The following CIITA variants were observed in gnomAD, a reference collection of about 807,000 sequenced individuals.
CIITA encodes MHC class II transactivator.
CIITA carries 72 observed loss-of-function variants against 115.1 expected under a neutral mutation model. That is an observed-to-expected ratio of 0.63 (90% CI 0.52 to 0.76). The LOEUF is 0.76. CIITA is among the 30% of genes least tolerant of loss of function. The probability of loss-of-function intolerance (pLI) is 0.00; values close to 1 mark genes in which losing one functional copy is unlikely to be tolerated. For missense variants in CIITA, 1,617 were observed against 1,463.8 expected, an observed-to-expected ratio of 1.10 and a Z score of -1.71; for synonymous variants, 763 against 635.6, an observed-to-expected ratio of 1.20 and a Z score of -3.02.
rs983874799 is a variant in CIITA at position 10,905,690 on chromosome 16, A to C, written c.1007-809A>C. 8.6e-5 allele frequency among the ~76,000 whole-genome samples: 13 copies of C among 151,804 alleles called. No individual in the cohort carries two copies. In the South Asian group the frequency reaches 2.5e-3, roughly 29 times the overall value. On this transcript the variant is annotated intron_variant, in intron 10 of 19. Transcript: ENST00000324288. Reference sequence around the variant, plus strand: ...GGCAGGAGAATCGCCTAAACCCAGGAGGTGGAGGTTGCCGTGAGCTGAGAT... The same window carrying C: ...GGCAGGAGAATCGCCTAAACCCAGGCGGTGGAGGTTGCCGTGAGCTGAGAT...
chr16:10,872,458 A>G (rs916381421), upstream of CIITA, among the ~76,000 whole-genome samples: 1 of 152,172 alleles, frequency 6.6e-6, no homozygotes, highest in African/African-American at 2.4e-5. Flanking sequence ...CTACTTCTCA[A>G]TTTATCTATT....
At position 10,936,112 on chromosome 16, in the gene CIITA, T is replaced by C. The variant is rs1479491568; in HGVS notation, c.*12257T>C. ...CTCAAGCAATCCTCCTGCCTGAGCCTTCCGAGTAACTGGGACTATGGGCGT... is the reference window on the plus strand; with the variant it reads ...CTCAAGCAATCCTCCTGCCTGAGCCCTCCGAGTAACTGGGACTATGGGCGT... On this transcript the variant is annotated 3_prime_UTR_variant, in exon 20 of 20. Transcript: ENST00000324288. 6.6e-6 allele frequency: 1 copy of C among 152,090 alleles called. No individual in the cohort carries two copies. The highest frequency in any genetic ancestry group is 1.5e-5 in the Non-Finnish European group (1 of 68,040). The allele number at this position is 152,090 out of a possible 1,614,324, so 9.4% of individuals were successfully genotyped here. A position where few individuals can be genotyped will look rare whatever the true frequency, so the allele number is the denominator to read the frequency against.
chr16:10,868,839 G>A (rs950059650), intron 1 of CIITA, among the ~76,000 whole-genome samples: 4 of 152,180 alleles, frequency 2.6e-5, no homozygotes, highest in Non-Finnish European at 4.4e-5. Flanking sequence ...AACTGCACTC[G>A]GGGCCCAGTG....
In CIITA at chr16:10,935,682, C is replaced by T. The variant is rs965163648; in HGVS notation, c.*11827C>T. ...AAAGTTAACATCGCCAGAAAGGGGA[C>T]AGATGGCATGTGCCTCTCGATAAGA... On this transcript the variant is annotated 3_prime_UTR_variant, in exon 20 of 20. Coordinates refer to ENST00000324288, the MANE Select transcript of CIITA (RefSeq NM_000246.4). The T allele has an allele frequency of 2.0e-5, 3 of 152,200 alleles. No individual in the cohort carries two copies. Among genetic ancestry groups the T allele is most frequent in the African/African-American group, 4.8e-5 (2 of 41,442 alleles). The allele number at this position is 152,200 out of a possible 1,614,324, so 9.4% of individuals were successfully genotyped here.
chr16:10,922,557 C>G (rs530841319), intron 18 of CIITA, 67 bp downstream of exon 18: 2 of 1,526,352 alleles, frequency 1.3e-6, no homozygotes, highest in East Asian at 4.5e-5. Context: ...CAGTGTGACC[C>G]CGGAGCTCAA....
rs1349867100 is a variant in CIITA, at chr16:10,934,794, C to T, written c.*10939C>T. On this transcript the variant is annotated 3_prime_UTR_variant, in exon 20 of 20. Transcript: ENST00000324288. The surrounding 1 kb of genome is among the most constrained non-coding windows in gnomAD (Gnocchi z 4.2). ...CCTTACCCTTGAGGGAGTTCCCCGC[C>T]ACTCCAAGCTTGGGGCCTGGGATGG... 6.6e-6 allele frequency: 1 copy of T among 152,226 alleles called. No homozygotes were observed. Among genetic ancestry groups the T allele is most frequent in the Non-Finnish European group, 1.5e-5 (1 of 68,038 alleles). The allele number at this position is 152,226 out of a possible 1,614,324, so 9.4% of individuals were successfully genotyped here.
At chr16:10,919,823 G>A (rs7204720) in intron 16 of CIITA, among the ~76,000 whole-genome samples, 1,707 of 152,196 alleles carry the variant, frequency 0.011, 44 homozygotes, top group African/African-American at 0.04. Flanking sequence ...GACAGATGTC[G>A]TTCTTGCTTT....
At chr16:10,877,158 T>G (rs2035903302), upstream of CIITA, 2 of 681,882 alleles carry the variant, frequency 2.9e-6, no homozygotes, top group South Asian at 3.2e-5. Flanking sequence ...CTTGTTTCTT[T>G]GCATGTTGGC....
intron 1 of CIITA, among the ~76,000 whole-genome samples, chr16:10,885,367 C>T (rs1327348294): frequency 6.6e-6 from 1 of 152,138 alleles, no homozygotes; most frequent in Non-Finnish European, 1.5e-5. Flanking sequence ...CAGGCACATG[C>T]ACGCACGTCT....
intron 10 of CIITA, among the ~76,000 whole-genome samples, chr16:10,905,453 G>GAATA (rs2039072620): frequency 6.6e-6 from 1 of 152,156 alleles, no homozygotes. Flanking sequence ...AAAGCTTAGT[G>GAATA]AGTAAATGAA....
rs1439035605 is a variant in CIITA at position 10,930,068 on chromosome 16, A to T, written c.*6213A>T. On this transcript the variant is annotated 3_prime_UTR_variant, in exon 20 of 20. Transcript: ENST00000324288. ...TTGGCTCTTTCTCCCAGGATGCAGC[A>T]TCATCTCCATGGCCTGGCCCCCTGG... The T allele has an allele frequency of 1.3e-5, 2 of 152,342 alleles. No homozygotes were observed. The highest frequency in any genetic ancestry group is 2.9e-5 in the Non-Finnish European group (2 of 68,128). 9.4% of individuals were successfully genotyped at this position (152,342 alleles called of 1,614,324 possible).
At chr16:10,914,136 T>A (rs1432026472) in intron 13 of CIITA, among the ~76,000 whole-genome samples, 1 of 152,186 alleles carries the variant, frequency 6.6e-6, no homozygotes, top group Non-Finnish European at 1.5e-5. Flanking sequence ...TTTCGTCTGT[T>A]TGGCCCACAA....
upstream of CIITA, among the ~76,000 whole-genome samples, chr16:10,874,588 CG>C (rs1421890374): frequency 6.6e-6 from 1 of 152,226 alleles, no homozygotes; most frequent in Non-Finnish European, 1.5e-5. Flanking sequence ...CACAGTTTGA[CG>C]GATGTCACTT....
intron 3 of CIITA, among the ~76,000 whole-genome samples, chr16:10,896,224 A>G (rs553923698): frequency 1.3e-5 from 2 of 152,346 alleles, no homozygotes; most frequent in African/African-American, 4.8e-5. Context: ...AAGGAAATAC[A>G]TATTATTAGT....
In CIITA at chr16:10,933,724, A is replaced by G. The variant is rs1234095767; in HGVS notation, c.*9869A>G. ...TCAAGGCTAGGGGCCTTCTGAAAGC[A>G]GCAGCACTTTTCCTCCTTCAAAGAC... On this transcript the variant is annotated 3_prime_UTR_variant, in exon 20 of 20. Coordinates refer to ENST00000324288, the MANE Select transcript of CIITA (RefSeq NM_000246.4). The G allele has an allele frequency of 6.6e-6, 1 of 152,284 alleles. No individual in the cohort carries two copies. The highest frequency in any genetic ancestry group is 1.5e-5 in the Non-Finnish European group (1 of 68,078). 9.4% of individuals were successfully genotyped at this position (152,284 alleles called of 1,614,324 possible).
chr16:10,908,988 G>C (rs753387612), intron 11 of CIITA, 41 bp from the exon 12 acceptor site: 1 of 1,613,686 alleles, frequency 6.2e-7, no homozygotes, highest in East Asian at 2.2e-5. Context: ...TTAAGGTCTA[G>C]CCTGGTCACC....
At chr16:10,873,465 G>C (rs559434059), upstream of CIITA, among the ~76,000 whole-genome samples, 1 of 152,330 alleles carries the variant, frequency 6.6e-6, no homozygotes, top group East Asian at 1.9e-4. Flanking sequence ...GAAAATTATA[G>C]TTAGCTGGAA....
intron 1 of CIITA, chr16:10,878,840 G>A (rs1043939015): frequency 1.7e-5 from 4 of 230,510 alleles, no homozygotes; most frequent in Non-Finnish European, 3.4e-5. Flanking sequence ...GATAAAGCAC[G>A]TGGTGGCCAC....
chr16:10,904,859 C>A, intron 10 of CIITA, 47 bp downstream of exon 10: 1 of 1,594,348 alleles, frequency 6.3e-7, no homozygotes, highest in Non-Finnish European at 8.6e-7. Context: ...AGATGGAAGC[C>A]CATATCTGGC....
Sources: allele counts gnomAD v4.1 joint callset (sites outside exome capture counted in the v4.1 genomes callset), GRCh38; gene constraint gnomAD v4.1.1; non-coding constraint Gnocchi (gnomAD v3.1); transcripts MANE v1.5; gene names NCBI Gene and HGNC (gene_info 2026-07-23, HGNC 2026-07-21).